Variants in USP53 observed in about 807,000 individuals in gnomAD.
USP53 encodes ubiquitin carboxyl-terminal hydrolase 53.
Under a neutral mutation model 94.9 loss-of-function variants are expected in USP53, and 71 were observed. That is an observed-to-expected ratio of 0.75 (90% CI 0.62 to 0.91). The LOEUF (loss-of-function observed/expected upper bound fraction) is 0.91, where lower values mean the gene tolerates loss of function less well. USP53 is among the 40% of genes least tolerant of loss of function. The probability of loss-of-function intolerance (pLI) is 0.00; values close to 1 mark genes in which losing one functional copy is unlikely to be tolerated. For synonymous variants in USP53, 375 were observed against 422.7 expected, an observed-to-expected ratio of 0.89 and a Z score of 1.39; for missense variants, 1,173 against 1,281.0, an observed-to-expected ratio of 0.92 and a Z score of 1.29.
intron 12 of USP53, among the ~76,000 whole-genome samples, chr4:119,264,799 C>A (rs1578511941): frequency 6.6e-6 from 1 of 152,100 alleles, no homozygotes; most frequent in Non-Finnish European, 1.5e-5. Context: ...TCCATATAAC[C>A]CAGCAAATCC....
Position 119,272,002 on chromosome 4 carries a change from T to C in USP53, c.2142T>C (p.Asp714=), listed in dbSNP as rs371129416. 3.7e-6 allele frequency: 6 copies of C among 1,603,042 alleles called. No individual in the cohort carries two copies. Among genetic ancestry groups the C allele is most frequent in the Non-Finnish European group, 5.1e-6 (6 of 1,176,432 alleles). Residue 714 remains aspartate (D), a synonymous_variant, in exon 16 of 19, where the codon GAT becomes GAC. Transcript: ENST00000692078. ...TCGATGGAAATGGTACAGTAATGGATATCAGTGGTGTTAAAGAAACAGTAT... is the reference window on the plus strand; with the variant it reads ...TCGATGGAAATGGTACAGTAATGGACATCAGTGGTGTTAAAGAAACAGTAT... ...PVIDGNGTVM[D]ISGVKETVCF...
intron 3 of USP53, among the ~76,000 whole-genome samples, chr4:119,233,257 T>C (rs567316490): frequency 9.2e-5 from 14 of 152,012 alleles, no homozygotes; most frequent in Admixed American, 9.2e-4. Flanking sequence ...TTATTTTTTC[T>C]ATTGTTTGAC....
rs1165004660 is a variant in USP53, at chr4:119,239,654, A to G, written c.-106A>G. On this transcript the variant is annotated 5_prime_UTR_variant, in exon 5 of 19. Transcript: ENST00000692078. ...TTGGAAACTTACATTATTAAAATAG[A>G]CTGCAGTGGATTTAATTGGACAATT... 3 of 1,269,342 alleles carry G rather than the reference A, an allele frequency of 2.4e-6. No individual in the cohort carries two copies. In the African/African-American group the frequency reaches 4.5e-5, roughly 19 times the overall value. The allele number at this position is 1,269,342 out of a possible 1,614,324, so 78.6% of individuals were successfully genotyped here.
At chr4:119,266,479 T>C (rs1347387976) in intron 12 of USP53, 1 of 384,488 alleles carries the variant, frequency 2.6e-6, no homozygotes, top group Non-Finnish European at 5.1e-6. Flanking sequence ...TTTTTAATGT[T>C]AGCCCTTCTC....
Position 119,271,781 on chromosome 4 carries a change from A to G in USP53, c.1921A>G (p.Ile641Val), listed in dbSNP as rs369983415. The G allele has an allele frequency of 1.2e-6, 2 of 1,613,100 alleles. No individual in the cohort carries two copies. The highest frequency in any genetic ancestry group is 8.5e-7 in the Non-Finnish European group (1 of 1,179,820). Reference sequence around the variant, plus strand: ...TCCAAAGCAAAAAGGTTTAATGACCATATATGAAGATGAAATGAAGCAGGA... The same window carrying G: ...TCCAAAGCAAAAAGGTTTAATGACCGTATATGAAGATGAAATGAAGCAGGA... Reference protein sequence around the residue: ...ENPKQKGLMTIYEDEMKQEIG... With the variant: ...ENPKQKGLMTVYEDEMKQEIG... The change falls in exon 16 of 19, where the codon ATA becomes GTA. Residue 641 changes from isoleucine to valine, a missense_variant. By Grantham distance (29) the Ile-to-Val change is conservative. Coordinates refer to ENST00000692078, the MANE Select transcript of USP53 (RefSeq NM_001371395.1).
intron 17 of USP53, among the ~76,000 whole-genome samples, chr4:119,280,132 G>A (rs2149454458): frequency 6.6e-6 from 1 of 152,086 alleles, no homozygotes; most frequent in South Asian, 2.1e-4. Context: ...TCCCCCGTTT[G>A]CAGCCTTTTT....
rs1447384190 is a variant in USP53 at position 119,294,705 on chromosome 4, A to G, written c.*1494A>G. ...ACTAATTTAATGTGAATACTGTTAAACAGAAAATAATTGCTTATAAAAGTC... is the reference window on the plus strand; with the variant it reads ...ACTAATTTAATGTGAATACTGTTAAGCAGAAAATAATTGCTTATAAAAGTC... On this transcript the variant is annotated 3_prime_UTR_variant, in exon 19 of 19. Coordinates refer to ENST00000692078, the MANE Select transcript of USP53 (RefSeq NM_001371395.1). 6.6e-6 allele frequency: 1 copy of G among 152,146 alleles called. No individual in the cohort carries two copies. The highest frequency in any genetic ancestry group is 6.5e-5 in the Admixed American group (1 of 15,272). The allele number at this position is 152,146 out of a possible 1,614,324, so 9.4% of individuals were successfully genotyped here.
rs28495245 is a variant in USP53 at position 119,222,454 on chromosome 4, C to T, written c.-665+4781C>T. Among the ~76,000 whole-genome samples, 428 of 151,166 alleles carry T rather than the reference C, an allele frequency of 2.8e-3. 2 individuals are homozygous for T. The highest frequency in any genetic ancestry group is 0.01 in the African/African-American group (407 of 40,430). On this transcript the variant is annotated intron_variant, in intron 3 of 18. Coordinates refer to ENST00000692078, the MANE Select transcript of USP53 (RefSeq NM_001371395.1). ...AACCTCTCTTTATCCCTTCTCTCCA[C>T]TTCCTTTCCCAGCCTCTAGTAATTG...
chr4:119,268,983 T>C (rs1404214998), intron 14 of USP53, among the ~76,000 whole-genome samples: 3 of 152,230 alleles, frequency 2.0e-5, no homozygotes, highest in African/African-American at 7.2e-5. Flanking sequence ...TTCAGGATGA[T>C]TTTGTTAGCA....
chr4:119,236,332 T>G (rs557292458), intron 4 of USP53, among the ~76,000 whole-genome samples: 34 of 152,344 alleles, frequency 2.2e-4, no homozygotes, highest in African/African-American at 7.9e-4. Context: ...ATCTTTTTGG[T>G]GGTAGAGGGT....
chr4:119,216,185 C>T (rs191652685), intron 2 of USP53, among the ~76,000 whole-genome samples: 3 of 151,996 alleles, frequency 2.0e-5, no homozygotes, highest in African/African-American at 7.2e-5. Flanking sequence ...ATTGAGACCA[C>T]CCTGGCCAAC....
chr4:119,261,778 T>G lies in USP53; in HGVS notation c.886T>G (p.Cys296Gly), dbSNP rs759857911. The G allele has an allele frequency of 2.6e-6, 4 of 1,544,388 alleles. No individual in the cohort carries two copies. Among genetic ancestry groups the G allele is most frequent in the Non-Finnish European group, 3.5e-6 (4 of 1,132,202 alleles). ...TGAACTTAACCTTGTTGGTATGATC[T>G]GCTACACCAGCCAACATTATTGTGC... ...NSELNLVGMI[C>G]YTSQHYCAFA... The change falls in exon 12 of 19, where the codon TGC becomes GGC. Residue 296 changes from cysteine to glycine, a missense_variant. Transcript: ENST00000692078.
rs548035578 is a variant in USP53 at position 119,284,136 on chromosome 4, G to A, written c.2252-7029G>A. Among the ~76,000 whole-genome samples the A allele has an allele frequency of 5.9e-5, 9 of 151,592 alleles. No homozygotes were observed. The East Asian group carries it at 1.6e-3, about 26-fold the overall frequency. ...GGGAAGAGTGTCCATAGATTAAGCA[G>A]AATAAGGATTAAAAAGTGCCAGTTT... On this transcript the variant is annotated intron_variant, in intron 17 of 18. Transcript: ENST00000692078.
At chr4:119,257,035 C>G (rs1339750084) in intron 9 of USP53, among the ~76,000 whole-genome samples, 1 of 152,194 alleles carries the variant, frequency 6.6e-6, no homozygotes, top group Non-Finnish European at 1.5e-5. Context: ...GCTGCCCACT[C>G]ACTCTCTCCC....
rs1455892361 is a variant in USP53, at chr4:119,295,045, T to C, written c.*1834T>C. The C allele has an allele frequency of 6.6e-6, 1 of 152,126 alleles. No individual in the cohort carries two copies. Among genetic ancestry groups the C allele is most frequent in the East Asian group, 1.9e-4 (1 of 5,204 alleles). 9.4% of individuals were successfully genotyped at this position (152,126 alleles called of 1,614,324 possible). A position where few individuals can be genotyped will look rare whatever the true frequency, so the allele number is the denominator to read the frequency against. The stretch of plus-strand genomic sequence containing the variant: ...TAGCTTTCACAGTTTGTGTAGTTTT[T>C]TTTTTCTATTTGGTTAAGATGTGAG... On this transcript the variant is annotated 3_prime_UTR_variant, in exon 19 of 19. Transcript: ENST00000692078.
intron 3 of USP53, among the ~76,000 whole-genome samples, chr4:119,232,753 T>G (rs1746231390): frequency 6.6e-6 from 1 of 152,188 alleles, no homozygotes; most frequent in Non-Finnish European, 1.5e-5. Flanking sequence ...ATTTATAATT[T>G]TTGTACCTAT....
At position 119,214,134 on chromosome 4, in the gene USP53, A is replaced by G. The variant is rs996559670; in HGVS notation, c.-877A>G. The G allele has an allele frequency of 7.9e-5, 12 of 151,948 alleles. No individual in the cohort carries two copies. Among genetic ancestry groups the G allele is most frequent in the African/African-American group, 1.2e-4 (5 of 41,466 alleles). The allele number at this position is 151,948 out of a possible 1,614,324, so 9.4% of individuals were successfully genotyped here. On this transcript the variant is annotated 5_prime_UTR_variant, in exon 2 of 19. Coordinates refer to ENST00000692078, the MANE Select transcript of USP53 (RefSeq NM_001371395.1). ...TAAAGATAAATTAAAAAAAAAAAAA[A>G]AAAACCAAAGGGAACAAAACTTACT...
rs930219518 is a variant in USP53 at position 119,292,903 on chromosome 4, G to T, written c.2914G>T (p.Glu972Ter). ...AAGTACAGCTTCAGAACCAAGTTTA[G>T]AAGTGAGTACACATATGAATGATGA... Reference protein sequence around the residue: ...SLSTASEPSLEVSTHMNDERH... With the variant: ...SLSTASEPSL Residue 972 changes from glutamate (E) to a stop codon, truncating the protein, a stop_gained, in exon 19 of 19, where the codon GAA becomes TAA. Coordinates refer to ENST00000692078, the MANE Select transcript of USP53 (RefSeq NM_001371395.1). LOFTEE classifies it low-confidence loss of function (END_TRUNC). The T allele has an allele frequency of 6.2e-7, 1 of 1,614,086 alleles. No homozygotes were observed. The highest frequency in any genetic ancestry group is 1.7e-5 in the Admixed American group (1 of 60,012).
intron 3 of USP53, among the ~76,000 whole-genome samples, chr4:119,222,049 A>G (rs553252564): frequency 1.2e-4 from 18 of 152,208 alleles, no homozygotes; most frequent in African/African-American, 4.3e-4. Context: ...TGAATTCTGT[A>G]TTGCTATTTG....
Sources: allele counts gnomAD v4.1 joint callset (sites outside exome capture counted in the v4.1 genomes callset), GRCh38; gene constraint gnomAD v4.1.1; transcripts MANE v1.5; gene names NCBI Gene and HGNC (gene_info 2026-07-23, HGNC 2026-07-21).